Variants in TMEM132E observed in about 807,000 individuals in gnomAD.
TMEM132E encodes the protein transmembrane protein 132E.
In TMEM132E, 49 loss-of-function variants were observed where a neutral mutation model predicts 78.5. The observed-to-expected ratio is 0.62, with a 90% CI of 0.50 to 0.79. TMEM132E has a LOEUF of 0.79. Ranked by LOEUF, TMEM132E falls within the 30% of genes least tolerant of loss-of-function variation. The pLI is 0.00. For synonymous variants in TMEM132E, 715 were observed against 670.6 expected, an observed-to-expected ratio of 1.07 and a Z score of -1.02; for missense variants, 1,403 against 1,470.9, an observed-to-expected ratio of 0.95 and a Z score of 0.75.
intron 1 of TMEM132E, among the ~76,000 whole-genome samples, chr17:34,618,199 CAT>C (rs1362337719): frequency 1.3e-5 from 2 of 152,158 alleles, no homozygotes; most frequent in South Asian, 2.1e-4. Flanking sequence ...TTACTATAAA[CAT>C]AGCATTACAG....
chr17:34,613,217 G>A lies in TMEM132E; in HGVS notation c.68-12910G>A, dbSNP rs529758536. ...CACACCCACACACACACACACGCGC[G>A]CGCGCGCGCGTTCTTACATTCTTTT... On this transcript the variant is annotated intron_variant, in intron 1 of 8. Transcript: ENST00000631683. 2.7e-4 allele frequency among the ~76,000 whole-genome samples: 37 copies of A among 136,942 alleles called. 1 individual carries two copies. Among genetic ancestry groups the A allele is most frequent in the South Asian group, 6.8e-4 (3 of 4,394 alleles). 89.8% of individuals were successfully genotyped at this position (136,942 alleles called of 152,430 possible). A position where few individuals can be genotyped will look rare whatever the true frequency, so the allele number is the denominator to read the frequency against.
Position 34,628,821 on chromosome 17 carries a change from T to C in TMEM132E, c.1145+112T>C, listed in dbSNP as rs1299885232. Reference sequence around the variant, plus strand: ...TTGGGGAGGGCTGGGGCTCGGTCATTGGGGTCTCTGAGGTCCAGGCCCCTC... The same window carrying C: ...TTGGGGAGGGCTGGGGCTCGGTCATCGGGGTCTCTGAGGTCCAGGCCCCTC... On this transcript the variant is annotated intron_variant, in intron 3 of 8. Coordinates refer to ENST00000631683, the MANE Select transcript of TMEM132E (RefSeq NM_001304438.2). 2.1e-6 allele frequency: 3 copies of C among 1,417,464 alleles called. No homozygotes were observed. In the East Asian group the frequency reaches 7.6e-5, roughly 36 times the overall value. The allele number at this position is 1,417,464 out of a possible 1,614,324, so 87.8% of individuals were successfully genotyped here.
At position 34,579,854 on chromosome 17, in the gene TMEM132E, G is replaced by T. The variant is rs1905399057; in HGVS notation, c.-1223G>T. On this transcript the variant is annotated 5_prime_UTR_variant, in exon 1 of 9. Transcript: ENST00000631683. ...GCGCCGCGCCCGCGTCTCACCGCCCGCAGCCCGGACTGGCGCGGCGATCCG... is the reference window on the plus strand; with the variant it reads ...GCGCCGCGCCCGCGTCTCACCGCCCTCAGCCCGGACTGGCGCGGCGATCCG... 1 of 152,188 alleles carries T rather than the reference G, an allele frequency of 6.6e-6. No individual in the cohort carries two copies. The allele number at this position is 152,188 out of a possible 1,614,324, so 9.4% of individuals were successfully genotyped here.
rs775398180 is a variant in TMEM132E at position 34,632,905 on chromosome 17, C to CGGA, written c.1687_1688+1dup. On this transcript the variant is annotated inframe_insertion, in exon 6 of 9. Coordinates refer to ENST00000631683, the MANE Select transcript of TMEM132E (RefSeq NM_001304438.2). ...CTGGAGGGTACCTATCCTCCCCGAC[C>CGGA]GGAGGTACAGCCCCTCTCCCATGGC... 5.6e-6 allele frequency: 9 copies of CGGA among 1,613,958 alleles called. No homozygotes were observed. Among genetic ancestry groups the CGGA allele is most frequent in the Non-Finnish European group, 8.5e-7 (1 of 1,180,032 alleles).
In TMEM132E at chr17:34,637,126, C is replaced by T. The variant is rs527677086; in HGVS notation, c.2170-51C>T. Reference sequence around the variant, plus strand: ...CAGAGCCCAGGATCTAGCAGGAAGCCAGCTGAACCAGCTCTTTGACTCCTA... The same window carrying T: ...CAGAGCCCAGGATCTAGCAGGAAGCTAGCTGAACCAGCTCTTTGACTCCTA... On this transcript the variant is annotated intron_variant, in intron 8 of 8. Coordinates refer to ENST00000631683, the MANE Select transcript of TMEM132E (RefSeq NM_001304438.2). The T allele has an allele frequency of 2.0e-6, 3 of 1,514,714 alleles. No homozygotes were observed. The African/African-American group carries it at 4.1e-5, about 21-fold the overall frequency. The allele number at this position is 1,514,714 out of a possible 1,614,324, so 93.8% of individuals were successfully genotyped here. A position where few individuals can be genotyped will look rare whatever the true frequency, so the allele number is the denominator to read the frequency against.
At chr17:34,584,466 C>T (rs1373673307) in intron 1 of TMEM132E, among the ~76,000 whole-genome samples, 1 of 152,212 alleles carries the variant, frequency 6.6e-6, no homozygotes, top group East Asian at 1.9e-4. Context: ...ACTTTTCTAG[C>T]ACTTTTTCCT....
chr17:34,583,261 G>A (rs901278452), intron 1 of TMEM132E, among the ~76,000 whole-genome samples: 5 of 152,206 alleles, frequency 3.3e-5, no homozygotes, highest in Admixed American at 6.5e-5. Flanking sequence ...GGTCTGAATC[G>A]CCCTACTGAG....
intron 1 of TMEM132E, among the ~76,000 whole-genome samples, chr17:34,587,717 C>A (rs545146770): frequency 6.6e-6 from 1 of 152,182 alleles, no homozygotes. Flanking sequence ...GAGGTAGGAG[C>A]ACAGGTGCAC....
At position 34,626,161 on chromosome 17, in the gene TMEM132E, G is replaced by T; in HGVS notation, c.102G>T (p.Pro34=). The T allele has an allele frequency of 6.5e-7, 1 of 1,549,288 alleles. No homozygotes were observed. The change falls in exon 2 of 9, where the codon CCG becomes CCT. Residue 34 remains proline (P), a synonymous_variant. Transcript: ENST00000631683. ...SGRSHPASPS[P]PGPQASPVLP... is the part of the protein sequence containing the mutation. ...GCTCCCACCCGGCCAGCCCCAGCCC[G>T]CCGGGGCCGCAGGCCAGCCCGGTGC...
chr17:34,626,675 G>T lies in TMEM132E; in HGVS notation c.616G>T (p.Ala206Ser), dbSNP rs1366461964. ...PLAWFGPPAP[A>S]APPTARRKSP... The stretch of plus-strand genomic sequence containing the variant: ...GGCCTGGTTCGGGCCCCCAGCCCCC[G>T]CTGCGCCACCCACGGCCCGCCGCAA... The change falls in exon 2 of 9, where the codon GCT becomes TCT. Residue 206 changes from alanine (A) to serine (S), a missense_variant. Transcript: ENST00000631683. 1.4e-6 allele frequency: 2 copies of T among 1,405,296 alleles called. No individual in the cohort carries two copies. The highest frequency in any genetic ancestry group is 1.5e-5 in the African/African-American group (1 of 67,868). 87.1% of individuals were successfully genotyped at this position (1,405,296 alleles called of 1,614,324 possible). A position where few individuals can be genotyped will look rare whatever the true frequency, so the allele number is the denominator to read the frequency against.
At chr17:34,636,484 C>G (rs1907525332) in intron 8 of TMEM132E, among the ~76,000 whole-genome samples, 1 of 152,168 alleles carries the variant, frequency 6.6e-6, no homozygotes, top group Admixed American at 6.5e-5. Context: ...CCAGGAAGTA[C>G]CCTCACTCAA....
Position 34,592,909 on chromosome 17 carries a change from C to G in TMEM132E, c.67+11766C>G, listed in dbSNP as rs77490854. 0.013 allele frequency among the ~76,000 whole-genome samples: 2,006 copies of G among 152,302 alleles called. 121 individuals are homozygous for G. The East Asian group carries it at 0.19, about 14-fold the overall frequency. ...GCCAACTGCAAGCCCTGTGATAAACCCTTCCTCCCAGTGGAATTTTGTTTT... is the reference window on the plus strand; with the variant it reads ...GCCAACTGCAAGCCCTGTGATAAACGCTTCCTCCCAGTGGAATTTTGTTTT... On this transcript the variant is annotated intron_variant, in intron 1 of 8. Coordinates refer to ENST00000631683, the MANE Select transcript of TMEM132E (RefSeq NM_001304438.2).
In TMEM132E at chr17:34,580,327, GC is replaced by G. The variant is rs1905419286; in HGVS notation, c.-748del. The G allele has an allele frequency of 2.6e-5, 4 of 152,534 alleles. No homozygotes were observed. In the South Asian group the frequency reaches 8.3e-4, roughly 32 times the overall value. 9.4% of individuals were successfully genotyped at this position (152,534 alleles called of 1,614,324 possible). ...TGCCTGGGCAGGAGGCGCTGAGCCG[GC>G]CTGTGTGGAGCCTGGGCCCTGATCC... On this transcript the variant is annotated 5_prime_UTR_variant, in exon 1 of 9. Transcript: ENST00000631683.
chr17:34,601,562 G>C (rs915008637), intron 1 of TMEM132E, among the ~76,000 whole-genome samples: 13 of 152,250 alleles, frequency 8.5e-5, no homozygotes, highest in African/African-American at 3.1e-4. Context: ...TGATGGCCTT[G>C]TGGGAGGGGG....
intron 1 of TMEM132E, among the ~76,000 whole-genome samples, chr17:34,616,962 C>G (rs1906802112): frequency 6.6e-6 from 1 of 152,214 alleles, no homozygotes; most frequent in South Asian, 2.1e-4. Context: ...GTTTTAACCT[C>G]TGTTTGCTCC....
Position 34,638,689 on chromosome 17 carries a change from A to C in TMEM132E, c.*457A>C. 1 of 158,106 alleles carries C rather than the reference A, an allele frequency of 6.3e-6. No homozygotes were observed. Among genetic ancestry groups the C allele is most frequent in the Admixed American group, 6.4e-5 (1 of 15,510 alleles). 9.8% of individuals were successfully genotyped at this position (158,106 alleles called of 1,614,324 possible). On this transcript the variant is annotated 3_prime_UTR_variant, in exon 9 of 9. Coordinates refer to ENST00000631683, the MANE Select transcript of TMEM132E (RefSeq NM_001304438.2). ...CTGCACAAAGACTTTCCTCAAACTA[A>C]TATTCAGGGATTTCTGTCCTGCAGG...
chr17:34,626,344 G>C lies in TMEM132E; in HGVS notation c.285G>C (p.Gly95=), dbSNP rs750264831. The C allele has an allele frequency of 5.0e-6, 8 of 1,612,922 alleles. No individual in the cohort carries two copies. The East Asian group carries it at 1.8e-4, about 36-fold the overall frequency. ...KELPVLNVSL[G]PFSTSQVVAR... ...TGCCGGTCCTCAACGTCTCTCTGGG[G>C]CCCTTCAGCACCAGCCAGGTGGTGG... is the stretch of plus-strand genomic sequence containing the variant. The change falls in exon 2 of 9, where the codon GGG becomes GGC. Residue 95 remains glycine (G), a synonymous_variant. Transcript: ENST00000631683.
At chr17:34,606,861 C>T (rs1318963221) in intron 1 of TMEM132E, among the ~76,000 whole-genome samples, 1 of 152,202 alleles carries the variant, frequency 6.6e-6, no homozygotes, top group Non-Finnish European at 1.5e-5. Context: ...AAGGGCCCTC[C>T]TCTCCCCACT....
At position 34,628,645 on chromosome 17, in the gene TMEM132E, G is replaced by A; in HGVS notation, c.1081G>A (p.Gly361Arg). Residue 361 changes from glycine to arginine, a missense_variant, in exon 3 of 9, where the codon GGG becomes AGG. Physicochemically the swap from Gly to Arg is moderately radical, Grantham distance 125. Around this residue, in one of 3 missense-constraint regions of TMEM132E, gnomAD observed 4 missense variants for 19.0 expected, o/e 0.21. Coordinates refer to ENST00000631683, the MANE Select transcript of TMEM132E (RefSeq NM_001304438.2). ...GCATGTGACCTCGGAGCTGCTGACTGGGGCAAAGCACTCAACAGCCACCGT... is the reference window on the plus strand; with the variant it reads ...GCATGTGACCTCGGAGCTGCTGACTAGGGCAAAGCACTCAACAGCCACCGT... ...QWHVTSELLT[G>R]AKHSTATVDV... The A allele has an allele frequency of 6.2e-7, 1 of 1,613,578 alleles. No homozygotes were observed. The highest frequency in any genetic ancestry group is 8.5e-7 in the Non-Finnish European group (1 of 1,179,758).
Sources: gnomAD v4.1 joint callset for allele counts (sites outside exome capture counted in the v4.1 genomes callset) on GRCh38, gnomAD v4.1.1 for gene constraint, gnomAD v4.1.1 regional missense constraint, MANE v1.5 for transcripts, NCBI Gene and HGNC (gene_info 2026-07-23, HGNC 2026-07-21) for gene names.